PACS1: variants seen among roughly 807,000 people sequenced by gnomAD.
PACS1 encodes the protein PACS-1.
Under a neutral mutation model 115.0 loss-of-function variants are expected in PACS1, and 24 were observed. The observed-to-expected ratio is 0.21, with a 90% confidence interval of 0.15 to 0.29. The LOEUF (loss-of-function observed/expected upper bound fraction) is 0.29, where lower values mean the gene tolerates loss of function less well. PACS1 is among the 10% of genes least tolerant of loss of function. The pLI is 1.00. For missense variants in PACS1, 838 were observed against 1,251.2 expected (o/e 0.67, Z 4.98); for synonymous variants, 453 against 504.5 (o/e 0.90, Z 1.37).
intron 1 of PACS1, among the ~76,000 whole-genome samples, chr11:66,137,580 G>A (rs536751974): frequency 2.0e-5 from 3 of 152,246 alleles, no homozygotes; most frequent in Admixed American, 6.5e-5. Context: ...GGTCAGGATG[G>A]TCTGACTCTG....
intron 1 of PACS1, among the ~76,000 whole-genome samples, chr11:66,081,349 T>C (rs544654828): frequency 6.6e-6 from 1 of 152,364 alleles, no homozygotes; most frequent in East Asian, 1.9e-4. Flanking sequence ...TGTGGCAACA[T>C]AGAAAGCACT....
At chr11:66,192,530 A>G (rs1854551150) in intron 1 of PACS1, among the ~76,000 whole-genome samples, 1 of 152,230 alleles carries the variant, frequency 6.6e-6, no homozygotes, top group Non-Finnish European at 1.5e-5. Context: ...AGGGCTGTGG[A>G]GATGCAAGAC....
Position 66,243,441 on chromosome 11 carries a change from T to TCCCTC in PACS1, c.*173_*177dup. On this transcript the variant is annotated 3_prime_UTR_variant, in exon 24 of 24. Transcript: ENST00000320580. ...GAAGGACACTGCCACAGGGACGCCTTCCCTCCCCTCCCCTCCAGCCCACCC... is the reference window on the plus strand; with the variant it reads ...GAAGGACACTGCCACAGGGACGCCTTCCCTCCCCTCCCCTCCCCTCCAGCCCACCC... 3.3e-6 allele frequency: 2 copies of TCCCTC among 604,754 alleles called. No homozygotes were observed. The highest frequency in any genetic ancestry group is 5.9e-6 in the Non-Finnish European group (2 of 337,348). The allele number at this position is 604,754 out of a possible 1,614,324, so 37.5% of individuals were successfully genotyped here.
chr11:66,182,787 G>A (rs919319334), intron 1 of PACS1, among the ~76,000 whole-genome samples: 2 of 152,234 alleles, frequency 1.3e-5, no homozygotes, highest in South Asian at 4.1e-4. Flanking sequence ...CACCATACCT[G>A]GTCTAGTTGC....
chr11:66,140,100 G>C (rs2134592001), intron 1 of PACS1, among the ~76,000 whole-genome samples: 1 of 152,294 alleles, frequency 6.6e-6, no homozygotes, highest in South Asian at 2.1e-4. Flanking sequence ...AACCTTAATT[G>C]AAAGTGGACC....
intron 1 of PACS1, among the ~76,000 whole-genome samples, chr11:66,138,182 C>T (rs974932274): frequency 2.0e-5 from 3 of 151,980 alleles, no homozygotes; most frequent in Non-Finnish European, 2.9e-5. Flanking sequence ...GCCTCAAACT[C>T]ATGGACTGAA....
intron 1 of PACS1, among the ~76,000 whole-genome samples, chr11:66,185,371 T>C (rs1019085499): frequency 6.6e-6 from 1 of 152,234 alleles, no homozygotes; most frequent in Admixed American, 6.5e-5. Context: ...TGTAATACTC[T>C]GTTTTACTTT....
At chr11:66,147,535 A>G (rs193224209) in intron 1 of PACS1, among the ~76,000 whole-genome samples, 1 of 152,358 alleles carries the variant, frequency 6.6e-6, no homozygotes, top group Admixed American at 6.5e-5. Flanking sequence ...ACTTGAGTCA[A>G]TTTAAAGGAA....
At chr11:66,123,532 A>AT (rs1033349973) in intron 1 of PACS1, among the ~76,000 whole-genome samples, 1 of 146,242 alleles carries the variant, frequency 6.8e-6, no homozygotes, top group Admixed American at 6.9e-5. Context: ...TTATTTATTT[A>AT]TTTTTTTGGG....
At chr11:66,221,122 A>G in intron 9 of PACS1, 32 bp from the exon 10 acceptor site, 1 of 1,592,404 alleles carries the variant, frequency 6.3e-7, no homozygotes, top group Non-Finnish European at 8.6e-7. Context: ...GAGCCCTGGC[A>G]GCACTGACCC....
At chr11:66,087,666 G>A (rs59827057) in intron 1 of PACS1, among the ~76,000 whole-genome samples, 10,332 of 152,298 alleles carry the variant, frequency 0.068, 514 homozygotes, top group African/African-American at 0.14. Flanking sequence ...GTATATCGTA[G>A]TTTGTGTACA....
intron 1 of PACS1, among the ~76,000 whole-genome samples, chr11:66,074,358 G>A (rs915482532): frequency 2.0e-5 from 3 of 152,164 alleles, no homozygotes; most frequent in Admixed American, 6.5e-5. Context: ...GGACCGTGGT[G>A]CAGGGTTATG....
At chr11:66,125,046 G>A (rs765339881) in intron 1 of PACS1, among the ~76,000 whole-genome samples, 3 of 152,156 alleles carry the variant, frequency 2.0e-5, no homozygotes, top group Non-Finnish European at 4.4e-5. Flanking sequence ...ATGAACATTT[G>A]GGTGGCTTCC....
intron 1 of PACS1, among the ~76,000 whole-genome samples, chr11:66,083,602 G>C (rs1857522281): frequency 6.6e-6 from 1 of 152,208 alleles, no homozygotes; most frequent in African/African-American, 2.4e-5. Context: ...TTAGGCTCCA[G>C]AAGGGCCTGG....
chr11:66,072,163 CTTGA>C (rs762813500), intron 1 of PACS1, among the ~76,000 whole-genome samples: 4 of 151,918 alleles, frequency 2.6e-5, no homozygotes, highest in African/African-American at 4.8e-5. Context: ...TGTTCTGTGA[CTTGA>C]TTGGTTTTTT....
chr11:66,145,068 G>A (rs1413740740), intron 1 of PACS1, among the ~76,000 whole-genome samples: 2 of 152,198 alleles, frequency 1.3e-5, no homozygotes, highest in Non-Finnish European at 2.9e-5. Flanking sequence ...AGTAGTTACA[G>A]TGAGGAAGTC....
At chr11:66,124,868 G>A (rs759937639) in intron 1 of PACS1, among the ~76,000 whole-genome samples, 2 of 152,190 alleles carry the variant, frequency 1.3e-5, no homozygotes, top group African/African-American at 4.8e-5. Context: ...AAGGCATCAA[G>A]GAGCCAAGTT....
At chr11:66,158,809 C>T (rs1308288504) in intron 1 of PACS1, among the ~76,000 whole-genome samples, 1 of 152,074 alleles carries the variant, frequency 6.6e-6, no homozygotes, top group Non-Finnish European at 1.5e-5. Flanking sequence ...AAGGACAAGG[C>T]ATTATTTAAA....
At chr11:66,211,088 C>T in intron 3 of PACS1, 46 bp from the exon 4 acceptor site, 1 of 1,608,226 alleles carries the variant, frequency 6.2e-7, no homozygotes, top group Non-Finnish European at 8.5e-7. Flanking sequence ...CCCTCAAGGA[C>T]CCAGCTGCCC....
Sources: gnomAD v4.1 joint callset for allele counts (sites outside exome capture counted in the v4.1 genomes callset) on GRCh38, gnomAD v4.1.1 for gene constraint, MANE v1.5 for transcripts, NCBI Gene and HGNC (gene_info 2026-07-23, HGNC 2026-07-21) for gene names.